The following TCERG1 variants were observed in gnomAD, a reference collection of about 807,000 sequenced individuals.
TCERG1 encodes the protein transcription elongation regulator 1.
In TCERG1, 37 loss-of-function variants were observed where a neutral mutation model predicts 144.7. That is an observed-to-expected ratio of 0.26 (90% CI 0.20 to 0.34). TCERG1 has a LOEUF of 0.34. Among genes scored for constraint, TCERG1 ranks in the 10% least tolerant of loss-of-function variants. The pLI is 1.00. For missense variants in TCERG1, 1,027 were observed against 1,380.7 expected (o/e 0.74, Z 4.06); for synonymous variants, 492 against 458.2 (o/e 1.07, Z -0.94).
At chr5:146,453,915 C>T (rs76157183) in intron 1 of TCERG1, among the ~76,000 whole-genome samples, 6,388 of 151,814 alleles carry the variant, frequency 0.042, 231 homozygotes, top group Non-Finnish European at 0.059. Context: ...ACATTCCTTC[C>T]GGCCAGGCGC....
intron 15 of TCERG1, among the ~76,000 whole-genome samples, chr5:146,491,193 C>T (rs1766384243): frequency 6.6e-6 from 1 of 151,514 alleles, no homozygotes; most frequent in South Asian, 2.1e-4. Flanking sequence ...TGCCACGTTG[C>T]CCAGGCTGGT....
chr5:146,476,955 G>T (rs1485933666), intron 9 of TCERG1, among the ~76,000 whole-genome samples: 1 of 151,934 alleles, frequency 6.6e-6, no homozygotes, highest in African/African-American at 2.4e-5. Flanking sequence ...AGAGATGGAG[G>T]GTCTCACTTT....
In TCERG1 at chr5:146,511,114, A is replaced by G. The variant is rs1386642978; in HGVS notation, c.*472A>G. On this transcript the variant is annotated 3_prime_UTR_variant, in exon 23 of 23. Transcript: ENST00000679501. ...TGAATTCTTATCTTCCAGAGGCTACAATTATTATAATGGACAATACTTTTA... is the reference window on the plus strand; with the variant it reads ...TGAATTCTTATCTTCCAGAGGCTACGATTATTATAATGGACAATACTTTTA... 6.5e-6 allele frequency: 1 copy of G among 152,688 alleles called. No homozygotes were observed. The highest frequency in any genetic ancestry group is 1.5e-5 in the Non-Finnish European group (1 of 68,110). The allele number at this position is 152,688 out of a possible 1,614,324, so 9.5% of individuals were successfully genotyped here.
chr5:146,463,432 C>T (rs1763509625), intron 4 of TCERG1, 119 bp from the exon 5 acceptor site: 2 of 1,414,188 alleles, frequency 1.4e-6, no homozygotes. Flanking sequence ...TGACAAATTT[C>T]TTGCAGTGCA....
chr5:146,496,373 A>G (rs1766900195), intron 16 of TCERG1, among the ~76,000 whole-genome samples: 1 of 152,062 alleles, frequency 6.6e-6, no homozygotes, highest in Non-Finnish European at 1.5e-5. Flanking sequence ...AATCACACAT[A>G]TATTAGTGTT....
intron 1 of TCERG1, among the ~76,000 whole-genome samples, chr5:146,448,026 C>T (rs555527151): frequency 7.9e-5 from 12 of 152,346 alleles, no homozygotes; most frequent in Admixed American, 6.5e-4. Context: ...TAGGCACTTA[C>T]CGTGTGCCAG....
At chr5:146,482,834 A>G (rs1765483412) in intron 14 of TCERG1, 107 bp downstream of exon 14, 1 of 1,320,958 alleles carries the variant, frequency 7.6e-7, no homozygotes, top group African/African-American at 1.5e-5. Context: ...ATGGGGGGGG[A>G]TAAGGGGATT....
At chr5:146,470,506 A>ATGT (rs1764190043) in intron 7 of TCERG1, 130 bp from the exon 8 acceptor site, 2 of 712,698 alleles carry the variant, frequency 2.8e-6, no homozygotes, top group South Asian at 4.2e-5. Context: ...CAAATCAAAG[A>ATGT]TATAAGGAAA....
intron 16 of TCERG1, among the ~76,000 whole-genome samples, chr5:146,495,069 AAAAT>A (rs1439767011): frequency 1.6e-3 from 237 of 152,320 alleles, no homozygotes; most frequent in African/African-American, 5.0e-3. Context: ...AAATAAGTCT[AAAAT>A]AAATCAGTTA....
chr5:146,478,855 AAT>A (rs1561669450), intron 10 of TCERG1, among the ~76,000 whole-genome samples: 1 of 152,180 alleles, frequency 6.6e-6, no homozygotes, highest in East Asian at 1.9e-4. Flanking sequence ...TGCTTTGTAA[AAT>A]ATGTGTGTCT....
Position 146,503,526 on chromosome 5 carries a change from A to G in TCERG1, c.2585A>G (p.Glu862Gly). The change falls in exon 18 of 23, where the codon GAA (glutamate) becomes GGA (glycine). Residue 862 changes from glutamate to glycine, a missense_variant. Physicochemically the swap from Glu to Gly is moderately conservative, Grantham distance 98. Transcript: ENST00000679501. ...MREDLFKQYI[E>G]KIAKNLDSEK... ...GAAGACCTTTTCAAACAGTACATTG[A>G]AAAAATAGCCAAGGTAACTGTTGTG... 1 of 1,613,538 alleles carries G rather than the reference A, an allele frequency of 6.2e-7. No individual in the cohort carries two copies. The highest frequency in any genetic ancestry group is 1.1e-5 in the South Asian group (1 of 91,004).
chr5:146,451,775 T>A (rs1444909075), intron 1 of TCERG1, among the ~76,000 whole-genome samples: 1 of 145,022 alleles, frequency 6.9e-6, no homozygotes, highest in Non-Finnish European at 1.5e-5. Flanking sequence ...GCAAATTAGT[T>A]TTTTTTTTTT....
rs1490788807 is a variant in TCERG1, at chr5:146,507,887, C to T, written c.2976C>T (p.Ser992=). The T allele has an allele frequency of 6.2e-7, 1 of 1,608,252 alleles. No homozygotes were observed. Among genetic ancestry groups the T allele is most frequent in the South Asian group, 1.1e-5 (1 of 89,804 alleles). The change falls in exon 21 of 23, where the codon TCC becomes TCT. Residue 992 remains serine, a synonymous_variant. Coordinates refer to ENST00000679501, the MANE Select transcript of TCERG1 (RefSeq NM_001382548.1). This position sits in a 1 kb window ranked among gnomAD's most constrained non-coding sequence, Gnocchi z 4.6. ...TCTTTTCAAAGATTACCTTAACATC[C>T]ACGTGGAAAGAAGTAAAAAAAATCA... ...LDETSAITLT[S]TWKEVKKIIK... is the part of the protein sequence containing the mutation.
chr5:146,483,437 T>G (rs1211603513), intron 14 of TCERG1, 103 bp from the exon 15 acceptor site: 1 of 988,010 alleles, frequency 1.0e-6, no homozygotes, highest in South Asian at 1.7e-5. Context: ...TATGGTTTTA[T>G]GTCTCCTTTA....
At chr5:146,510,127 G>A (rs1392035393) in intron 22 of TCERG1, 20 of 1,285,042 alleles carry the variant, frequency 1.6e-5, no homozygotes, top group Middle Eastern at 2.1e-4. Context: ...TGGCAGCCCC[G>A]CAGACTGAAG....
chr5:146,490,871 T>C (rs934233042), intron 15 of TCERG1, among the ~76,000 whole-genome samples: 1 of 152,268 alleles, frequency 6.6e-6, no homozygotes, highest in African/African-American at 2.4e-5. Flanking sequence ...CTTGCCTTTA[T>C]TAACCAACTA....
At chr5:146,482,096 ATGTT>A (rs1765412198) in intron 13 of TCERG1, 2 of 152,184 alleles carry the variant, frequency 1.3e-5, no homozygotes, top group Non-Finnish European at 2.9e-5. Flanking sequence ...TTTAAAATGA[ATGTT>A]TGAGATTACT....
intron 16 of TCERG1, among the ~76,000 whole-genome samples, chr5:146,496,422 C>T (rs1432173265): frequency 6.6e-6 from 1 of 152,114 alleles, no homozygotes; most frequent in Non-Finnish European, 1.5e-5. Context: ...GTTTCCCCTA[C>T]CTCAGTCTTT....
Position 146,459,212 on chromosome 5 carries a change from T to C in TCERG1, c.767T>C (p.Val256Ala), listed in dbSNP as rs756436468. 3 of 1,614,214 alleles carry C rather than the reference T, an allele frequency of 1.9e-6. No homozygotes were observed. Among genetic ancestry groups the C allele is most frequent in the South Asian group, 2.2e-5 (2 of 91,086 alleles). Reference sequence around the variant, plus strand: ...CAGGCACAAGTGCAAGCACAAGCAGTTGGAGCTTCCACCCCTACGACCAGT... The same window carrying C: ...CAGGCACAAGTGCAAGCACAAGCAGCTGGAGCTTCCACCCCTACGACCAGT... ...QVQAQVQAQA[V>A]GASTPTTSSP... Residue 256 changes from valine to alanine, a missense_variant, in exon 4 of 23, where the codon GTT (valine) becomes GCT (alanine). Physicochemically the swap from Val to Ala is moderately conservative, Grantham distance 64 (BLOSUM62 0). Transcript: ENST00000679501.
Sources: gnomAD v4.1 joint callset for allele counts (sites outside exome capture counted in the v4.1 genomes callset) on GRCh38, gnomAD v4.1.1 for gene constraint, Gnocchi (gnomAD v3.1) non-coding constraint, MANE v1.5 for transcripts, NCBI Gene and HGNC (gene_info 2026-07-23, HGNC 2026-07-21) for gene names.